Variants in BOC observed in about 807,000 individuals in gnomAD.
BOC encodes the protein brother of CDO.
In BOC, 76 loss-of-function variants were observed where a neutral mutation model predicts 112.0. The observed-to-expected ratio is 0.68, with a 90% confidence interval of 0.56 to 0.82. The LOEUF is 0.82. Among genes scored for constraint, BOC ranks in the 40% least tolerant of loss-of-function variants. BOC has a pLI of 0.00. For synonymous variants in BOC, 580 were observed against 599.8 expected, an observed-to-expected ratio of 0.97 and a Z score of 0.48; for missense variants, 1,309 against 1,511.7, an observed-to-expected ratio of 0.87 and a Z score of 2.22.
At position 113,272,537 on chromosome 3, in the gene BOC, C is replaced by T; in HGVS notation, c.795C>T (p.Ala265=). 3.1e-6 allele frequency: 5 copies of T among 1,614,054 alleles called. No homozygotes were observed. In the South Asian group the frequency reaches 3.3e-5, roughly 11 times the overall value. Reference sequence around the variant, plus strand: ...TCCCACCCCCACGGGTCACCTGGGCCAAGGATGGGTCCAGTGTCACCGGCT... The same window carrying T: ...TCCCACCCCCACGGGTCACCTGGGCTAAGGATGGGTCCAGTGTCACCGGCT... The part of the protein sequence containing the change: ...SGIPPPRVTW[A]KDGSSVTGYN... Residue 265 remains alanine, a synonymous_variant, in exon 7 of 20, where the codon GCC becomes GCT. Coordinates refer to ENST00000682979, the MANE Select transcript of BOC (RefSeq NM_001378074.1).
chr3:113,236,311 T>TATATATATAC (rs1943549705), intron 2 of BOC, among the ~76,000 whole-genome samples: 1 of 61,912 alleles, frequency 1.6e-5, no homozygotes, highest in Non-Finnish European at 4.3e-5. Context: ...TATATATATA[T>TATATATATAC]ACCCATGGAA....
At chr3:113,246,942 A>C (rs911654515) in intron 2 of BOC, among the ~76,000 whole-genome samples, 2 of 152,158 alleles carry the variant, frequency 1.3e-5, no homozygotes, top group African/African-American at 4.8e-5. Context: ...TAAATTACCG[A>C]GGGTGCAGAA....
At chr3:113,227,356 C>T (rs1559808660) in intron 2 of BOC, among the ~76,000 whole-genome samples, 1 of 152,174 alleles carries the variant, frequency 6.6e-6, no homozygotes, top group Non-Finnish European at 1.5e-5. Flanking sequence ...TCAGAGTTGG[C>T]AGCTTGTCAT....
chr3:113,239,185 G>C (rs1943967369), intron 2 of BOC, among the ~76,000 whole-genome samples: 1 of 152,104 alleles, frequency 6.6e-6, no homozygotes, highest in Admixed American at 6.5e-5. Context: ...CATGTTAAAA[G>C]ACATTATATT....
chr3:113,278,361 T>G lies in BOC; in HGVS notation c.1705+104T>G. ...CTCACCTTGCCCCAGCTGTTCACCT[T>G]GAACTTCATCTTTCCTTCCAGCTAC... On this transcript the variant is annotated intron_variant, in intron 10 of 19. Coordinates refer to ENST00000682979, the MANE Select transcript of BOC (RefSeq NM_001378074.1). This position sits in a 1 kb window ranked among gnomAD's most constrained non-coding sequence, Gnocchi z 4.2. 7.8e-7 allele frequency: 1 copy of G among 1,289,134 alleles called. No homozygotes were observed. Among genetic ancestry groups the G allele is most frequent in the Non-Finnish European group, 1.1e-6 (1 of 922,174 alleles). 79.9% of individuals were successfully genotyped at this position (1,289,134 alleles called of 1,614,324 possible).
intron 2 of BOC, among the ~76,000 whole-genome samples, chr3:113,244,849 CA>C: frequency 6.6e-6 from 1 of 152,228 alleles, no homozygotes; most frequent in Middle Eastern, 3.4e-3. Flanking sequence ...AATTCAGAAA[CA>C]TTCTAAAATT....
Position 113,214,625 on chromosome 3 carries a change from A to G in BOC, c.-169-1562A>G, listed in dbSNP as rs377609519. 4.6e-4 allele frequency among the ~76,000 whole-genome samples: 70 copies of G among 152,378 alleles called. No homozygotes were observed. In the South Asian group the frequency reaches 0.014, roughly 30 times the overall value. ...GCACCAAAAGATATTATATATTTGG[A>G]AGTTGCTTTCTTTCCTCCAAACTCT... On this transcript the variant is annotated intron_variant, in intron 1 of 19. Coordinates refer to ENST00000682979, the MANE Select transcript of BOC (RefSeq NM_001378074.1).
chr3:113,254,022 T>G (rs1169866815), intron 4 of BOC, among the ~76,000 whole-genome samples: 1 of 152,214 alleles, frequency 6.6e-6, no homozygotes, highest in Non-Finnish European at 1.5e-5. Context: ...CTTGGAGCCT[T>G]CCTTCTGCTT....
At chr3:113,233,331 A>G (rs1316088083) in intron 2 of BOC, among the ~76,000 whole-genome samples, 1 of 152,142 alleles carries the variant, frequency 6.6e-6, no homozygotes, top group Non-Finnish European at 1.5e-5. Flanking sequence ...TGTGGAGGGT[A>G]TAAATGTGGG....
At position 113,278,762 on chromosome 3, in the gene BOC, C is replaced by A; in HGVS notation, c.1795C>A (p.Pro599Thr). The change falls in exon 11 of 20, where the codon CCA becomes ACA. Residue 599 changes from proline (P) to threonine (T), a missense_variant. Transcript: ENST00000682979. This position sits in a 1 kb window ranked among gnomAD's most constrained non-coding sequence, Gnocchi z 4.2. ...AGCCAGTCCCCAGAGCAGCAGCCAG[C>A]CAGACCACGGCCGCCTCTCCCGTAA... is the stretch of plus-strand genomic sequence containing the variant. The part of the protein sequence containing the change: ...PGASPQSSSQ[P>T]DHGRLSPPEA... 1 of 1,557,852 alleles carries A rather than the reference C, an allele frequency of 6.4e-7. No individual in the cohort carries two copies. Among genetic ancestry groups the A allele is most frequent in the Non-Finnish European group, 8.7e-7 (1 of 1,150,666 alleles).
At chr3:113,284,939 T>G in intron 18 of BOC, 81 bp downstream of exon 18, 2 of 1,304,350 alleles carry the variant, frequency 1.5e-6, no homozygotes, top group Non-Finnish European at 2.2e-6. Flanking sequence ...GGCCTGTCAC[T>G]GAGAGCCAAG....
At chr3:113,229,153 AAATCG>A (rs1942180472) in intron 2 of BOC, among the ~76,000 whole-genome samples, 1 of 152,200 alleles carries the variant, frequency 6.6e-6, no homozygotes, top group Admixed American at 6.5e-5. Context: ...ACCAAACTGA[AAATCG>A]ACTCCTTCGG....
chr3:113,240,389 G>A (rs189736371), intron 2 of BOC, among the ~76,000 whole-genome samples: 58 of 152,264 alleles, frequency 3.8e-4, no homozygotes, highest in Admixed American at 2.9e-3. Flanking sequence ...CAGGGTTATT[G>A]CCACACATAC....
chr3:113,221,338 G>A (rs1294045587), intron 2 of BOC, among the ~76,000 whole-genome samples: 1 of 152,188 alleles, frequency 6.6e-6, no homozygotes, highest in Non-Finnish European at 1.5e-5. Flanking sequence ...ACTGGCTCAG[G>A]GTTTACGGAG....
At position 113,230,013 on chromosome 3, in the gene BOC, T is replaced by C. The variant is rs115075415; in HGVS notation, c.-82+13739T>C. Among the ~76,000 whole-genome samples, 1,236 of 152,342 alleles carry C rather than the reference T, an allele frequency of 8.1e-3. 19 individuals carry two copies. The highest frequency in any genetic ancestry group is 0.028 in the African/African-American group (1,170 of 41,558). On this transcript the variant is annotated intron_variant, in intron 2 of 19. Transcript: ENST00000682979. ...TTGAGGTGCTGCCCAGGCATTGTTA[T>C]ATTTTAAAGTATCCCCAGATGATTC...
intron 3 of BOC, 126 bp from the exon 4 acceptor site, chr3:113,250,429 G>A (rs1945472914): frequency 9.3e-7 from 1 of 1,080,286 alleles, no homozygotes; most frequent in Non-Finnish European, 1.3e-6. Flanking sequence ...GAGCAGTAGA[G>A]TCGGAGAAAG....
chr3:113,285,321 C>T (rs1478779467), intron 18 of BOC, 51 bp from the exon 19 acceptor site: 1 of 1,576,860 alleles, frequency 6.3e-7, no homozygotes, highest in East Asian at 2.2e-5. Context: ...GATGGGGCGA[C>T]AGGCCCACCC....
Position 113,284,769 on chromosome 3 carries a change from T to G in BOC, c.2890-13T>G, listed in dbSNP as rs995744155. 9.3e-6 allele frequency: 15 copies of G among 1,613,664 alleles called. No homozygotes were observed. The African/African-American group carries it at 1.6e-4, about 17-fold the overall frequency. ...CCCGGCGTGGCCGTCTCATTACTCT[T>G]CCTTTTGAGCAGCAGAGTGACACCA... is the stretch of plus-strand genomic sequence containing the variant. On this transcript the variant is annotated splice_polypyrimidine_tract_variant and intron_variant, in intron 17 of 19. Coordinates refer to ENST00000682979, the MANE Select transcript of BOC (RefSeq NM_001378074.1).
chr3:113,231,266 G>A (rs1420207568), intron 2 of BOC, among the ~76,000 whole-genome samples: 1 of 152,138 alleles, frequency 6.6e-6, no homozygotes, highest in Non-Finnish European at 1.5e-5. Context: ...AATTTCCAAG[G>A]TATTTAAAGC....
Sources: allele counts gnomAD v4.1 joint callset (sites outside exome capture counted in the v4.1 genomes callset), GRCh38; gene constraint gnomAD v4.1.1; non-coding constraint Gnocchi (gnomAD v3.1); transcripts MANE v1.5; gene names NCBI Gene and HGNC (gene_info 2026-07-23, HGNC 2026-07-21).